SLC20A2: variants seen among roughly 807,000 people sequenced by gnomAD.
SLC20A2 encodes sodium-dependent phosphate transporter 2.
Under a neutral mutation model 61.0 loss-of-function variants are expected in SLC20A2, and 30 were observed. The ratio of observed to expected loss-of-function variants is 0.49; its 90% CI spans 0.37 to 0.67. The LOEUF (loss-of-function observed/expected upper bound fraction) is 0.67. Ranked by LOEUF, SLC20A2 falls within the 30% of genes least tolerant of loss-of-function variation. SLC20A2 has a pLI of 0.00. For missense variants in SLC20A2, 626 were observed against 866.4 expected (o/e 0.72, Z 3.48); for synonymous variants, 351 against 353.3 (o/e 0.99, Z 0.07).
At chr8:42,443,378 G>C (rs1236396460) in intron 6 of SLC20A2, among the ~76,000 whole-genome samples, 1 of 146,274 alleles carries the variant, frequency 6.8e-6, no homozygotes, top group Non-Finnish European at 1.5e-5. Flanking sequence ...GCAGTGGCAC[G>C]ATCTTGGCTC....
At chr8:42,539,805 T>G (rs1044194521) in intron 1 of SLC20A2, among the ~76,000 whole-genome samples, 3 of 152,214 alleles carry the variant, frequency 2.0e-5, no homozygotes, top group Admixed American at 6.5e-5. Context: ...GGTGACAATG[T>G]TATATAATAG....
intron 1 of SLC20A2, among the ~76,000 whole-genome samples, chr8:42,535,686 T>C (rs900788317): frequency 6.6e-6 from 1 of 152,176 alleles, no homozygotes; most frequent in African/African-American, 2.4e-5. Context: ...AGGCAAGTCA[T>C]TTGTTTGCCC....
chr8:42,454,629 T>A (rs114322337), intron 5 of SLC20A2, among the ~76,000 whole-genome samples: 3,146 of 152,200 alleles, frequency 0.021, 86 homozygotes, highest in South Asian at 0.1. Flanking sequence ...AGATTTTTTT[T>A]TTTTTTTGAG....
rs1275541703 is a variant in SLC20A2, at chr8:42,488,735, T to C, written c.-265+12296A>G. 2.6e-5 allele frequency among the ~76,000 whole-genome samples: 4 copies of C among 152,150 alleles called. No homozygotes were observed. In the South Asian group the frequency reaches 6.2e-4, roughly 24 times the overall value. On this transcript the variant is annotated intron_variant, in intron 1 of 10. Transcript: ENST00000520262. Reference sequence around the variant, plus strand: ...CTTCTGTTGGTTTTATATTTTTATATGATAGCCATCCTAATGGGTGGAGGT... The same window carrying C: ...CTTCTGTTGGTTTTATATTTTTATACGATAGCCATCCTAATGGGTGGAGGT...
chr8:42,436,099 G>C (rs535020364), intron 8 of SLC20A2, among the ~76,000 whole-genome samples: 1 of 151,660 alleles, frequency 6.6e-6, no homozygotes, highest in African/African-American at 2.4e-5. Flanking sequence ...CTGGGGAACA[G>C]AGCGAGACTC....
At chr8:42,507,091 T>C (rs1030638856) in intron 1 of SLC20A2, among the ~76,000 whole-genome samples, 1 of 152,218 alleles carries the variant, frequency 6.6e-6, no homozygotes, top group Non-Finnish European at 1.5e-5. Context: ...GCCAGCTGAC[T>C]GCAAAGTCCA....
chr8:42,486,321 G>C (rs1001742268), intron 1 of SLC20A2, among the ~76,000 whole-genome samples: 4 of 152,076 alleles, frequency 2.6e-5, no homozygotes, highest in African/African-American at 9.7e-5. Context: ...TCCTGCCTCA[G>C]CCTCCCAACT....
chr8:42,440,980 T>C (rs1804731439), intron 6 of SLC20A2, among the ~76,000 whole-genome samples: 2 of 152,066 alleles, frequency 1.3e-5, no homozygotes, highest in South Asian at 2.1e-4. Context: ...TTTGTATTTT[T>C]AGCTGAGACG....
At position 42,419,740 on chromosome 8, in the gene SLC20A2, C is replaced by T. The variant is rs79269337; in HGVS notation, c.1795-1773G>A. On this transcript the variant is annotated intron_variant, in intron 10 of 10. Transcript: ENST00000520262. ...AGTGTCATCCATAATCTGTGAATAT[C>T]AGCACATGATATCATGTAAGTTGCT... 3,830 of 915,860 alleles carry T rather than the reference C, an allele frequency of 4.2e-3. 112 individuals carry two copies. In the African/African-American group the frequency reaches 0.065, roughly 15 times the overall value. The allele number at this position is 915,860 out of a possible 1,614,324, so 56.7% of individuals were successfully genotyped here.
At chr8:42,529,647 C>T (rs1485871306) in intron 1 of SLC20A2, among the ~76,000 whole-genome samples, 1 of 152,198 alleles carries the variant, frequency 6.6e-6, no homozygotes, top group Non-Finnish European at 1.5e-5. Context: ...CTCAGCAATG[C>T]CTCAGACATT....
At chr8:42,434,925 T>A (rs974655451) in intron 8 of SLC20A2, among the ~76,000 whole-genome samples, 1 of 152,012 alleles carries the variant, frequency 6.6e-6, no homozygotes, top group Non-Finnish European at 1.5e-5. Flanking sequence ...TGTGTGTGCG[T>A]GTGTGTGTGC....
chr8:42,499,968 G>C (rs1412437677), intron 1 of SLC20A2, among the ~76,000 whole-genome samples: 1 of 151,968 alleles, frequency 6.6e-6, no homozygotes, highest in African/African-American at 2.4e-5. Context: ...TTTCATTGTT[G>C]ACACTTTATG....
At chr8:42,474,993 C>G (rs957492434) in intron 1 of SLC20A2, among the ~76,000 whole-genome samples, 1 of 151,992 alleles carries the variant, frequency 6.6e-6, no homozygotes, top group Non-Finnish European at 1.5e-5. Context: ...AGGAGGCAGG[C>G]CCGGGTGAGG....
chr8:42,475,968 A>T (rs1055790002), intron 1 of SLC20A2, among the ~76,000 whole-genome samples: 2 of 151,910 alleles, frequency 1.3e-5, no homozygotes, highest in Non-Finnish European at 2.9e-5. Flanking sequence ...AGTGAAAAAT[A>T]ACCGAGTGGG....
At chr8:42,468,191 C>T (rs1161146869) in intron 2 of SLC20A2, among the ~76,000 whole-genome samples, 2 of 152,256 alleles carry the variant, frequency 1.3e-5, no homozygotes, top group South Asian at 2.1e-4. Flanking sequence ...TGTGAGCCAC[C>T]GCTACCAGCC....
chr8:42,425,414 G>A (rs574356722), intron 10 of SLC20A2, among the ~76,000 whole-genome samples: 12 of 152,300 alleles, frequency 7.9e-5, no homozygotes, highest in Non-Finnish European at 1.5e-4. Flanking sequence ...TTGTGTGCAG[G>A]GGAAATATGT....
At chr8:42,454,731 A>G (rs925553058) in intron 5 of SLC20A2, among the ~76,000 whole-genome samples, 2 of 150,754 alleles carry the variant, frequency 1.3e-5, no homozygotes, top group African/African-American at 4.9e-5. Context: ...TACAATTATT[A>G]TTATTATTAT....
chr8:42,421,488 C>T (rs182067004), intron 10 of SLC20A2, among the ~76,000 whole-genome samples: 3 of 152,268 alleles, frequency 2.0e-5, no homozygotes, highest in African/African-American at 7.2e-5. Context: ...GTCACTCTTA[C>T]GAACTCTAGT....
chr8:42,454,068 A>G (rs1233560650), intron 5 of SLC20A2, among the ~76,000 whole-genome samples: 3 of 152,106 alleles, frequency 2.0e-5, no homozygotes, highest in Admixed American at 2.0e-4. Context: ...CAGTGGTGCA[A>G]TCTCAGGTCA....
Sources: gnomAD v4.1 joint callset for allele counts (sites outside exome capture counted in the v4.1 genomes callset) on GRCh38, gnomAD v4.1.1 for gene constraint, MANE v1.5 for transcripts, NCBI Gene and HGNC (gene_info 2026-07-23, HGNC 2026-07-21) for gene names.